Variants in DTNBP1 observed in about 807,000 individuals in gnomAD.
DTNBP1 encodes dysbindin.
Under a neutral mutation model 42.8 loss-of-function variants are expected in DTNBP1, and 35 were observed. The ratio of observed to expected loss-of-function variants is 0.82; its 90% CI spans 0.63 to 1.09. The LOEUF is 1.09. Ranked by LOEUF, DTNBP1 falls within the 50% of genes least tolerant of loss-of-function variation. DTNBP1 has a pLI of 0.00. For synonymous variants in DTNBP1, 171 were observed against 162.2 expected, an observed-to-expected ratio of 1.05 and a Z score of -0.41; for missense variants, 457 against 424.2, an observed-to-expected ratio of 1.08 and a Z score of -0.68.
chr6:15,532,028 A>C (rs1430717398), intron 8 of DTNBP1, among the ~76,000 whole-genome samples: 1 of 152,232 alleles, frequency 6.6e-6, no homozygotes, highest in East Asian at 1.9e-4. Flanking sequence ...GGCAGGATAG[A>C]GAGAACAAAG....
intron 7 of DTNBP1, among the ~76,000 whole-genome samples, chr6:15,541,869 C>A (rs772631033): frequency 2.0e-5 from 3 of 151,846 alleles, no homozygotes; most frequent in Non-Finnish European, 2.9e-5. Context: ...GCCTTTTAAC[C>A]GAGATAGGTA....
chr6:15,610,329 G>GT (rs1325523674), intron 6 of DTNBP1, among the ~76,000 whole-genome samples: 1 of 152,154 alleles, frequency 6.6e-6, no homozygotes, highest in Non-Finnish European at 1.5e-5. Flanking sequence ...CATAAATGTT[G>GT]TATGTGTTCT....
intron 7 of DTNBP1, chr6:15,579,880 G>GATTTA: frequency 2.2e-6 from 1 of 455,370 alleles, no homozygotes; most frequent in Non-Finnish European, 4.4e-6. Context: ...TGATAGATAT[G>GATTTA]CTAATTATCC....
rs141263966 is a variant in DTNBP1, at chr6:15,533,628, G to A, written c.512-233C>T. ...CCCTTCGTTCCACACCTTTGCATGT[G>A]CTGTTCCCTTTGCTGGAACGACCTT... is the stretch of plus-strand genomic sequence containing the variant. On this transcript the variant is annotated intron_variant, in intron 7 of 9. Coordinates refer to ENST00000344537, the MANE Select transcript of DTNBP1 (RefSeq NM_032122.5). The A allele has an allele frequency of 2.1e-3, 1,455 of 682,380 alleles. 21 individuals are homozygous for A. In the African/African-American group the frequency reaches 0.022, roughly 10 times the overall value. The allele number at this position is 682,380 out of a possible 1,614,324, so 42.3% of individuals were successfully genotyped here.
chr6:15,601,175 G>C (rs1257679923), intron 6 of DTNBP1, among the ~76,000 whole-genome samples: 2 of 152,196 alleles, frequency 1.3e-5, no homozygotes, highest in Non-Finnish European at 2.9e-5. Flanking sequence ...AAGGACCTTA[G>C]TTACTTAAAA....
intron 1 of DTNBP1, 106 bp downstream of exon 1, chr6:15,662,708 C>G: frequency 6.7e-7 from 1 of 1,491,864 alleles, no homozygotes; most frequent in Non-Finnish European, 9.2e-7. Context: ...AGGTGCGGGA[C>G]AGGACGGACC....
intron 7 of DTNBP1, among the ~76,000 whole-genome samples, chr6:15,537,116 T>G (rs1281361298): frequency 3.9e-5 from 6 of 152,224 alleles, no homozygotes; most frequent in Non-Finnish European, 5.9e-5. Context: ...ACATGAGACT[T>G]TGGACTTAAG....
chr6:15,637,306 T>C (rs1354504093), intron 4 of DTNBP1, among the ~76,000 whole-genome samples: 1 of 152,216 alleles, frequency 6.6e-6, no homozygotes, highest in African/African-American at 2.4e-5. Flanking sequence ...CTGAAATTTT[T>C]GTATTTATTT....
intron 3 of DTNBP1, 72 bp from the exon 4 acceptor site, chr6:15,637,876 T>C: frequency 6.9e-7 from 1 of 1,452,900 alleles, no homozygotes; most frequent in Admixed American, 1.7e-5. Context: ...AAGATGAATG[T>C]GGAATATCCT....
intron 7 of DTNBP1, 81 bp downstream of exon 7, chr6:15,592,978 G>A: frequency 7.5e-7 from 1 of 1,326,916 alleles, no homozygotes; most frequent in South Asian, 1.4e-5. Context: ...TAAAAAATGA[G>A]TTTGTTCATC....
At chr6:15,529,083 G>C (rs988131169) in intron 8 of DTNBP1, among the ~76,000 whole-genome samples, 2 of 152,194 alleles carry the variant, frequency 1.3e-5, no homozygotes, top group Non-Finnish European at 2.9e-5. Flanking sequence ...CAAGGAGTTC[G>C]AGACCAGCCT....
At chr6:15,647,561 AAG>A (rs1252263844) in intron 3 of DTNBP1, among the ~76,000 whole-genome samples, 2 of 151,738 alleles carry the variant, frequency 1.3e-5, no homozygotes, top group Non-Finnish European at 3.0e-5. Context: ...TAGATTGACT[AAG>A]AAAAAAAAAA....
chr6:15,617,141 T>C (rs9476868), intron 5 of DTNBP1, among the ~76,000 whole-genome samples: 23,515 of 152,036 alleles, frequency 0.15, 2,709 homozygotes, highest in African/African-American at 0.32. Flanking sequence ...GCAGGAGGAT[T>C]GCTTGAGCCT....
At chr6:15,577,125 G>A (rs944819630) in intron 7 of DTNBP1, among the ~76,000 whole-genome samples, 1 of 152,246 alleles carries the variant, frequency 6.6e-6, no homozygotes, top group African/African-American at 2.4e-5. Flanking sequence ...CCTACAGGAA[G>A]AGCAGGACAG....
At chr6:15,595,511 C>T (rs1776483470) in intron 6 of DTNBP1, among the ~76,000 whole-genome samples, 1 of 152,058 alleles carries the variant, frequency 6.6e-6, no homozygotes, top group Non-Finnish European at 1.5e-5. Flanking sequence ...AGTTGATCCA[C>T]CTGCCTCGGC....
intron 7 of DTNBP1, among the ~76,000 whole-genome samples, chr6:15,564,142 T>C (rs968119826): frequency 1.1e-4 from 17 of 151,920 alleles, no homozygotes; most frequent in African/African-American, 3.9e-4. Flanking sequence ...CATCTCCTCA[T>C]TTAGCGGCTC....
At chr6:15,561,789 A>T (rs1200593002) in intron 7 of DTNBP1, among the ~76,000 whole-genome samples, 1 of 152,246 alleles carries the variant, frequency 6.6e-6, no homozygotes, top group Non-Finnish European at 1.5e-5. Flanking sequence ...TGGTATCAGA[A>T]GATACAGGTC....
At chr6:15,656,984 T>C (rs1398742433) in intron 1 of DTNBP1, among the ~76,000 whole-genome samples, 1 of 152,176 alleles carries the variant, frequency 6.6e-6, no homozygotes, top group African/African-American at 2.4e-5. Context: ...GCACATCCAA[T>C]CTATTACATT....
chr6:15,557,011 T>A (rs1774562346), intron 7 of DTNBP1, among the ~76,000 whole-genome samples: 1 of 152,146 alleles, frequency 6.6e-6, no homozygotes, highest in East Asian at 1.9e-4. Flanking sequence ...ACCTGTGGAG[T>A]TGGCCATGCC....
Sources: gnomAD v4.1 joint callset for allele counts (sites outside exome capture counted in the v4.1 genomes callset) on GRCh38, gnomAD v4.1.1 for gene constraint, MANE v1.5 for transcripts, NCBI Gene and HGNC (gene_info 2026-07-23, HGNC 2026-07-21) for gene names.